Variants in ALDH3B1 observed in about 807,000 individuals in gnomAD.
The protein encoded by ALDH3B1 is aldehyde dehydrogenase family 3 member B1.
ALDH3B1 carries 37 observed loss-of-function variants against 46.2 expected under a neutral mutation model. That is an observed-to-expected ratio of 0.80 (90% confidence interval 0.62 to 1.05). The LOEUF is 1.05. Ranked by LOEUF, ALDH3B1 falls within the 50% of genes least tolerant of loss-of-function variation. The pLI, the probability that ALDH3B1 is intolerant of heterozygous loss-of-function variation, is 0.00. For missense variants in ALDH3B1, 603 were observed against 665.5 expected (o/e 0.91, Z 1.03); for synonymous variants, 283 against 281.0 (o/e 1.01, Z -0.07).
At chr11:68,009,600 G>A (rs958329949), upstream of ALDH3B1, among the ~76,000 whole-genome samples, 4 of 152,360 alleles carry the variant, frequency 2.6e-5, no homozygotes, top group South Asian at 6.2e-4. Context: ...GAACGTGACC[G>A]GGGGCTGCAT....
rs535175171 is a variant in ALDH3B1 at position 68,019,081 on chromosome 11, G to C, written c.395-89G>C. ...TCTGAACCAGGTTCTGCATCTGAAAGTGGGTGAGGCTGATGCCTGCCCTGC... is the reference window on the plus strand; with the variant it reads ...TCTGAACCAGGTTCTGCATCTGAAACTGGGTGAGGCTGATGCCTGCCCTGC... On this transcript the variant is annotated intron_variant, in intron 4 of 9. Transcript: ENST00000342456. The C allele has an allele frequency of 2.9e-3, 4,350 of 1,488,662 alleles. 11 individuals are homozygous for C. Among genetic ancestry groups the C allele is most frequent in the Non-Finnish European group, 3.6e-3 (3,957 of 1,098,520 alleles). The allele number at this position is 1,488,662 out of a possible 1,614,324, so 92.2% of individuals were successfully genotyped here. A position where few individuals can be genotyped will look rare whatever the true frequency, so the allele number is the denominator to read the frequency against.
chr11:68,019,392 C>T, intron 5 of ALDH3B1, 137 bp downstream of exon 5: 1 of 790,994 alleles, frequency 1.3e-6, no homozygotes, highest in Admixed American at 2.3e-5. Context: ...GTAAACTTGA[C>T]CAAGTCACCG....
intron 6 of ALDH3B1, 144 bp downstream of exon 6, chr11:68,019,940 C>T (rs974096154): frequency 9.2e-6 from 8 of 868,356 alleles, no homozygotes; most frequent in Non-Finnish European, 1.2e-5. Context: ...AGTCCTGGAC[C>T]CCCAGGACCC....
intron 8 of ALDH3B1, among the ~76,000 whole-genome samples, chr11:68,023,855 A>G (rs1857562235): frequency 6.6e-6 from 1 of 151,938 alleles, no homozygotes; most frequent in Admixed American, 6.5e-5. Flanking sequence ...CAGCGCTGGC[A>G]ATATAGCAAA....
chr11:68,015,031 C>T (rs1047784169), intron 1 of ALDH3B1: 6 of 381,756 alleles, frequency 1.6e-5, no homozygotes, highest in Middle Eastern at 6.7e-4. Context: ...GTCCTGCAGC[C>T]GCCTCCAGGT....
Position 68,021,583 on chromosome 11 carries a change from G to A in ALDH3B1, c.661G>A (p.Asp221Asn), listed in dbSNP as rs767724543. The change falls in exon 7 of 10, where the codon GAC (aspartate) becomes AAC (asparagine). Residue 221 changes from aspartate to asparagine, a missense_variant. Transcript: ENST00000342456. ...GGGCAAGAACCCTTGCTACGTGGAC[G>A]ACAACTGCGACCCCCAGACCGTGGC... ...LGGKNPCYVDDNCDPQTVANR... is the reference protein window; with the variant it reads ...LGGKNPCYVDNNCDPQTVANR... 30 of 1,613,980 alleles carry A rather than the reference G, an allele frequency of 1.9e-5. No homozygotes were observed. The East Asian group carries it at 4.5e-4, about 24-fold the overall frequency.
At chr11:68,023,418 C>G (rs1857552089) in intron 8 of ALDH3B1, among the ~76,000 whole-genome samples, 1 of 151,828 alleles carries the variant, frequency 6.6e-6, no homozygotes, top group East Asian at 2.0e-4. Context: ...ATTCTCCTGC[C>G]TCAACCTCCT....
At chr11:68,026,612 A>T (rs1456489554) in intron 9 of ALDH3B1, among the ~76,000 whole-genome samples, 1 of 152,014 alleles carries the variant, frequency 6.6e-6, no homozygotes, top group Non-Finnish European at 1.5e-5. Context: ...GCCACTGCAG[A>T]GTCCTGGCCT....
chr11:68,022,294 C>T (rs191746922), intron 7 of ALDH3B1, among the ~76,000 whole-genome samples: 16 of 152,214 alleles, frequency 1.1e-4, no homozygotes, highest in South Asian at 2.1e-4. Context: ...CATTCTGGGA[C>T]GCTGTTGCCT....
intron 1 of ALDH3B1, among the ~76,000 whole-genome samples, chr11:68,012,284 G>A (rs1229090222): frequency 6.6e-6 from 1 of 152,190 alleles, no homozygotes; most frequent in African/African-American, 2.4e-5. Flanking sequence ...CGGAGCCTGT[G>A]GGCACCCACA....
intron 1 of ALDH3B1, among the ~76,000 whole-genome samples, chr11:68,011,249 G>A (rs1857224506): frequency 1.3e-5 from 2 of 152,214 alleles, no homozygotes; most frequent in Admixed American, 6.5e-5. Flanking sequence ...AAGGCAGAAA[G>A]GAGGAAACAG....
At chr11:68,019,817 G>A (rs999757237) in intron 6 of ALDH3B1, 21 bp downstream of exon 6, 10 of 1,612,526 alleles carry the variant, frequency 6.2e-6, no homozygotes, top group South Asian at 1.1e-5. Flanking sequence ...GACGAGGGTC[G>A]GGACAGGCTG....
chr11:68,022,947 G>A (rs960145506), intron 8 of ALDH3B1, among the ~76,000 whole-genome samples, 186 bp downstream of exon 8: 1 of 152,150 alleles, frequency 6.6e-6, no homozygotes, highest in African/African-American at 2.4e-5. Flanking sequence ...CCCCAGTCTG[G>A]GCCCCACTCT....
chr11:68,019,109 G>C (rs774846407), intron 4 of ALDH3B1, 61 bp from the exon 5 acceptor site: 57 of 1,544,178 alleles, frequency 3.7e-5, no homozygotes, highest in Non-Finnish European at 5.0e-5. Context: ...TGCCCTGCAG[G>C]TGTGTGGAGA....
chr11:68,025,935 A>G (rs1857611168), intron 8 of ALDH3B1, 74 bp from the exon 9 acceptor site: 4 of 1,121,450 alleles, frequency 3.6e-6, no homozygotes, highest in Middle Eastern at 2.5e-4. Flanking sequence ...AGAGTCCAGC[A>G]TGGAACAGGC....
At chr11:68,025,949 G>C in intron 8 of ALDH3B1, 60 bp from the exon 9 acceptor site, 3 of 1,274,862 alleles carry the variant, frequency 2.4e-6, no homozygotes, top group Non-Finnish European at 1.1e-6. Flanking sequence ...AACAGGCTCT[G>C]GGTCCTGAGG....
intron 9 of ALDH3B1, among the ~76,000 whole-genome samples, chr11:68,026,983 G>A (rs1857640431): frequency 6.6e-6 from 1 of 151,998 alleles, no homozygotes; most frequent in African/African-American, 2.4e-5. Flanking sequence ...AGTCGGGGCT[G>A]TCTGTGGGCA....
chr11:68,014,708 T>C (rs565751591), intron 1 of ALDH3B1, among the ~76,000 whole-genome samples: 2 of 152,262 alleles, frequency 1.3e-5, no homozygotes, highest in African/African-American at 4.8e-5. Context: ...GAAGAGGCTA[T>C]TGCCCACTGG....
chr11:68,026,050 C>A lies in ALDH3B1; in HGVS notation c.1158C>A (p.Phe386Leu). The change falls in exon 9 of 10, where the codon TTC (phenylalanine) becomes TTA (leucine). Residue 386 changes from phenylalanine to leucine, a missense_variant. Phe to Leu is a conservative substitution (Grantham distance 22, BLOSUM62 0). Coordinates refer to ENST00000342456, the MANE Select transcript of ALDH3B1 (RefSeq NM_000694.4). ...RVLTQTSSGG[F>L]CGNDGFMHMT... is the part of the protein sequence containing the mutation. ...TGACCCAGACCAGCAGCGGGGGCTT[C>A]TGTGGGAACGACGGCTTCATGCACA... 6.2e-7 allele frequency: 1 copy of A among 1,609,654 alleles called. No individual in the cohort carries two copies. The highest frequency in any genetic ancestry group is 8.5e-7 in the Non-Finnish European group (1 of 1,178,008).
Sources: allele counts gnomAD v4.1 joint callset (sites outside exome capture counted in the v4.1 genomes callset), GRCh38; gene constraint gnomAD v4.1.1; transcripts MANE v1.5; gene names NCBI Gene and HGNC (gene_info 2026-07-23, HGNC 2026-07-21).